Variants in ANTXRL observed in about 807,000 individuals in gnomAD.
ANTXRL encodes the protein anthrax toxin receptor-like.
A neutral mutation model predicts 75.4 loss-of-function variants in ANTXRL; 63 were observed. That is an observed-to-expected ratio of 0.84 (90% CI 0.68 to 1.03). The LOEUF is 1.03. ANTXRL is among the 50% of genes least tolerant of loss of function. The pLI is 0.00. For synonymous variants in ANTXRL, 335 were observed against 291.3 expected (o/e 1.15, Z -1.53); for missense variants, 797 against 789.4 (o/e 1.01, Z -0.12).
At chr10:46,300,803 T>A (rs529379662) in intron 9 of ANTXRL, among the ~76,000 whole-genome samples, 1 of 152,324 alleles carries the variant, frequency 6.6e-6, no homozygotes, top group African/African-American at 2.4e-5. Context: ...GTATCATGAC[T>A]TCTGGTTGTC....
At chr10:46,293,486 G>A (rs1386838386) in intron 2 of ANTXRL, among the ~76,000 whole-genome samples, 2 of 141,822 alleles carry the variant, frequency 1.4e-5, no homozygotes, top group Non-Finnish European at 3.1e-5. Context: ...ATGTGTGTGG[G>A]TGTTTGTGTG....
chr10:46,308,558 A>T (rs1838239164), intron 12 of ANTXRL: 2 of 421,210 alleles, frequency 4.7e-6, no homozygotes, highest in African/African-American at 4.1e-5. Context: ...CACCCAGAGA[A>T]CTGTTCCCGT....
chr10:46,303,868 G>C (rs1406107636), intron 10 of ANTXRL, among the ~76,000 whole-genome samples: 1 of 152,066 alleles, frequency 6.6e-6, no homozygotes, highest in Non-Finnish European at 1.5e-5. Flanking sequence ...CATCCTCCTT[G>C]ATCTTCCCAG....
At chr10:46,291,812 C>T (rs544104777) in intron 1 of ANTXRL, among the ~76,000 whole-genome samples, 1 of 152,266 alleles carries the variant, frequency 6.6e-6, no homozygotes, top group South Asian at 2.1e-4. Context: ...AACAAAAGCC[C>T]CACATCCCAG....
chr10:46,323,023 T>C (rs1393720111), intron 16 of ANTXRL, among the ~76,000 whole-genome samples: 1 of 152,186 alleles, frequency 6.6e-6, no homozygotes, highest in African/African-American at 2.4e-5. Flanking sequence ...GTTTATTTAA[T>C]GAGGATCCCA....
intron 16 of ANTXRL, among the ~76,000 whole-genome samples, chr10:46,314,569 C>T (rs1396397302): frequency 3.3e-5 from 5 of 151,702 alleles, no homozygotes; most frequent in Non-Finnish European, 7.4e-5. Flanking sequence ...TGTGGTGAGA[C>T]AGGGGATGGA....
chr10:46,290,031 C>T (rs1445235527), intron 1 of ANTXRL, among the ~76,000 whole-genome samples: 1 of 148,280 alleles, frequency 6.7e-6, no homozygotes, highest in Non-Finnish European at 1.5e-5. Context: ...GTATATGTAC[C>T]ACATTTTCTT....
chr10:46,326,558 T>TGA (rs1223972103), intron 16 of ANTXRL, among the ~76,000 whole-genome samples: 1 of 152,064 alleles, frequency 6.6e-6, no homozygotes, highest in Non-Finnish European at 1.5e-5. Flanking sequence ...GGTTGGGGGC[T>TGA]GAGGCCTGAG....
intron 9 of ANTXRL, among the ~76,000 whole-genome samples, chr10:46,298,573 G>A (rs1260369939): frequency 6.6e-6 from 1 of 151,632 alleles, no homozygotes; most frequent in Non-Finnish European, 1.5e-5. Flanking sequence ...TGGGGGTCTT[G>A]TGGGAGTGTG....
At chr10:46,307,014 C>T (rs1309111184) in intron 11 of ANTXRL, 142 bp downstream of exon 11, 4 of 708,596 alleles carry the variant, frequency 5.6e-6, no homozygotes, top group Non-Finnish European at 9.1e-6. Context: ...ACCCTCCTCC[C>T]CACATCCCTT....
chr10:46,295,948 G>A lies in ANTXRL; in HGVS notation c.393-71G>A, dbSNP rs1330083052. The A allele has an allele frequency of 1.4e-5, 18 of 1,290,678 alleles. No individual in the cohort carries two copies. The South Asian group carries it at 1.4e-4, about 10-fold the overall frequency. 80.0% of individuals were successfully genotyped at this position (1,290,678 alleles called of 1,614,324 possible). A position where few individuals can be genotyped will look rare whatever the true frequency, so the allele number is the denominator to read the frequency against. On this transcript the variant is annotated intron_variant, in intron 3 of 16. Transcript: ENST00000620264. Reference sequence around the variant, plus strand: ...ACTGGCGCAAAGAACAGTGGCTCCCGGAGAGCTTGGGAGCTGATTTTTAAC... The same window carrying A: ...ACTGGCGCAAAGAACAGTGGCTCCCAGAGAGCTTGGGAGCTGATTTTTAAC...
chr10:46,297,039 G>C (rs7894341), intron 5 of ANTXRL, among the ~76,000 whole-genome samples: 61,698 of 151,856 alleles, frequency 0.41, 12,252 homozygotes, highest in Non-Finnish European at 0.48. Flanking sequence ...TGTAAAATGG[G>C]TGCTGGGCTG....
At chr10:46,308,434 A>ACTCCC (rs782439410) in intron 12 of ANTXRL, 3,688 of 117,008 alleles carry the variant, frequency 0.032, 130 homozygotes, top group African/African-American at 0.25. Context: ...CCTCCTCTCC[A>ACTCCC]CTCCCCTCCC....
Position 46,329,979 on chromosome 10 carries a change from T to A in ANTXRL, c.1791T>A (p.Ala597=), listed in dbSNP as rs1839420193. ...CCTCCAGGTGCCGCCTCCCCCCAGCTAGGTGCTTGAGGCCTCCCTCCAGGA... is the reference window on the plus strand; with the variant it reads ...CCTCCAGGTGCCGCCTCCCCCCAGCAAGGTGCTTGAGGCCTCCCTCCAGGA... ...TCSSRCRLPP[A]RCLRPPSRML... The change falls in exon 17 of 17, where the codon GCT becomes GCA. Residue 597 remains alanine (A), a synonymous_variant. Transcript: ENST00000620264. 9 of 1,529,020 alleles carry A rather than the reference T, an allele frequency of 5.9e-6. 1 individual carries two copies. 94.7% of individuals were successfully genotyped at this position (1,529,020 alleles called of 1,614,324 possible).
At chr10:46,308,325 G>A (rs1353477207) in intron 12 of ANTXRL, 3 of 389,038 alleles carry the variant, frequency 7.7e-6, no homozygotes, top group Admixed American at 2.9e-5. Flanking sequence ...CTCCCACCTC[G>A]CCAGCGGCCT....
intron 16 of ANTXRL, among the ~76,000 whole-genome samples, chr10:46,321,543 T>G (rs1554965594): frequency 6.6e-6 from 1 of 152,168 alleles, no homozygotes; most frequent in Admixed American, 6.5e-5. Context: ...GGACTCGGTA[T>G]GGTCCCTTCC....
At chr10:46,324,326 G>A (rs1476630650) in intron 16 of ANTXRL, among the ~76,000 whole-genome samples, 6 of 152,202 alleles carry the variant, frequency 3.9e-5, no homozygotes, top group Non-Finnish European at 1.5e-5. Context: ...GAACCGGAAT[G>A]CTAAAGAAGG....
chr10:46,305,208 G>A (rs1304432253), intron 10 of ANTXRL, among the ~76,000 whole-genome samples: 3 of 152,156 alleles, frequency 2.0e-5, no homozygotes, highest in Non-Finnish European at 4.4e-5. Context: ...ATGCCAGCCT[G>A]GAGGTGCAGT....
At position 46,297,899 on chromosome 10, in the gene ANTXRL, C is replaced by T; in HGVS notation, c.723C>T (p.Ser241=). 1 of 1,535,932 alleles carries T rather than the reference C, an allele frequency of 6.5e-7. No homozygotes were observed. Among genetic ancestry groups the T allele is most frequent in the Non-Finnish European group, 8.7e-7 (1 of 1,146,750 alleles). The part of the protein sequence containing the change: ...AVENGFKALR[S]TIDALTSKVC... ...AGAATGGCTTCAAGGCCCTGAGAAGCACCATTGATGCCGTGAGTGGGCAGA... is the reference window on the plus strand; with the variant it reads ...AGAATGGCTTCAAGGCCCTGAGAAGTACCATTGATGCCGTGAGTGGGCAGA... The change falls in exon 8 of 17, where the codon AGC becomes AGT. Residue 241 remains serine (S), a synonymous_variant. Coordinates refer to ENST00000620264, the MANE Select transcript of ANTXRL (RefSeq NM_001278688.3).
Sources: allele counts gnomAD v4.1 joint callset (sites outside exome capture counted in the v4.1 genomes callset), GRCh38; gene constraint gnomAD v4.1.1; transcripts MANE v1.5; gene names NCBI Gene and HGNC (gene_info 2026-07-23, HGNC 2026-07-21).